Variants in ERO1B observed in about 807,000 individuals in gnomAD.
The protein encoded by ERO1B is ERO1-like protein beta.
A neutral mutation model predicts 75.3 loss-of-function variants in ERO1B; 49 were observed. That is an observed-to-expected ratio of 0.65 (90% CI 0.52 to 0.83). ERO1B has a LOEUF of 0.83. Among genes scored for constraint, ERO1B ranks in the 40% least tolerant of loss-of-function variants. The pLI, the probability that ERO1B is intolerant of heterozygous loss-of-function variation, is 0.00. For synonymous variants in ERO1B, 191 were observed against 192.9 expected, an observed-to-expected ratio of 0.99 and a Z score of 0.08; for missense variants, 512 against 560.1, an observed-to-expected ratio of 0.91 and a Z score of 0.87.
chr1:236,221,909 A>G lies in ERO1B; in HGVS notation c.1209+15T>C. The G allele has an allele frequency of 6.3e-7, 1 of 1,598,824 alleles. No individual in the cohort carries two copies. The highest frequency in any genetic ancestry group is 8.6e-7 in the Non-Finnish European group (1 of 1,166,578). On this transcript the variant is annotated intron_variant, in intron 14 of 15. Coordinates refer to ENST00000354619, the MANE Select transcript of ERO1B (RefSeq NM_019891.4). ...AGGTTAGTAATGGCTTCAAAAGAGA[A>G]GACAACACATATACCTGTAATTTTC...
intron 2 of ERO1B, among the ~76,000 whole-genome samples, chr1:236,254,464 C>G (rs1264431617): frequency 6.6e-6 from 1 of 152,186 alleles, no homozygotes; most frequent in Admixed American, 6.5e-5. Flanking sequence ...CTTCCCATCA[C>G]CCTTAGAGTT....
chr1:236,268,872 T>C (rs948052622), intron 2 of ERO1B, among the ~76,000 whole-genome samples: 14 of 149,882 alleles, frequency 9.3e-5, no homozygotes, highest in Non-Finnish European at 7.4e-5. Context: ...GGCGACGGAG[T>C]GAGACTCTGT....
chr1:236,226,867 A>T (rs2102940770), intron 10 of ERO1B, 128 bp from the exon 11 acceptor site: 1 of 663,926 alleles, frequency 1.5e-6, no homozygotes, highest in Admixed American at 3.2e-5. Context: ...AATAATATAA[A>T]ACTGATTAGA....
At chr1:236,273,201 GCTGGCT>G (rs1456732500) in intron 1 of ERO1B, among the ~76,000 whole-genome samples, 1 of 152,106 alleles carries the variant, frequency 6.6e-6, no homozygotes, top group Admixed American at 6.5e-5. Context: ...ATGCTATACT[GCTGGCT>G]CTGAAGATGA....
chr1:236,275,643 A>G (rs965065922), intron 1 of ERO1B, among the ~76,000 whole-genome samples: 1 of 152,090 alleles, frequency 6.6e-6, no homozygotes, highest in Non-Finnish European at 1.5e-5. Context: ...CAACTTTCTA[A>G]TCACTTGGGT....
At chr1:236,229,482 T>C (rs541276202) in intron 10 of ERO1B, among the ~76,000 whole-genome samples, 28 of 151,910 alleles carry the variant, frequency 1.8e-4, no homozygotes, top group African/African-American at 6.3e-4. Context: ...ATGCATAAAA[T>C]AGAATTAGTT....
At position 236,245,306 on chromosome 1, in the gene ERO1B, A is replaced by ATGTGTGTGTG. The variant is rs1553371926; in HGVS notation, c.432-1812_432-1811insCACACACACA. Among the ~76,000 whole-genome samples, 47 of 21,780 alleles carry ATGTGTGTGTG rather than the reference A, an allele frequency of 2.2e-3. 1 individual carries two copies. Among genetic ancestry groups the ATGTGTGTGTG allele is most frequent in the African/African-American group, 3.6e-3 (44 of 12,130 alleles). The allele number at this position is 21,780 out of a possible 152,430, so 14.3% of individuals were successfully genotyped here. A position where few individuals can be genotyped will look rare whatever the true frequency, so the allele number is the denominator to read the frequency against. On this transcript the variant is annotated intron_variant, in intron 5 of 15. Coordinates refer to ENST00000354619, the MANE Select transcript of ERO1B (RefSeq NM_019891.4). ...CACCATGCCCAGTCAAAATATATAT[A>ATGTGTGTGTG]TATATATATATATATACACACACGT...
In ERO1B at chr1:236,263,778, C is replaced by CTTTTTTTTTTTTTTTTTTTTTT; in HGVS notation, c.222+6075_222+6096dup. 1.1e-4 allele frequency among the ~76,000 whole-genome samples: 9 copies of CTTTTTTTTTTTTTTTTTTTTTT among 80,300 alleles called. 1 individual carries two copies. Among genetic ancestry groups the CTTTTTTTTTTTTTTTTTTTTTT allele is most frequent in the Non-Finnish European group, 2.0e-4 (8 of 39,760 alleles). The allele number at this position is 80,300 out of a possible 152,430, so 52.7% of individuals were successfully genotyped here. On this transcript the variant is annotated intron_variant, in intron 2 of 15. Coordinates refer to ENST00000354619, the MANE Select transcript of ERO1B (RefSeq NM_019891.4). ...TATATTTTTTGTTTTATTTTGTTTGCTTTTTTTTTTTTTTTTTTTTTTTTT... is the reference window on the plus strand; with the variant it reads ...TATATTTTTTGTTTTATTTTGTTTGCTTTTTTTTTTTTTTTTTTTTTTTTTTTTTTTTTTTTTTTTTTTTTTT...
Position 236,243,446 on chromosome 1 carries a change from G to A in ERO1B, c.481C>T (p.Arg161Trp), listed in dbSNP as rs749338547. The A allele has an allele frequency of 1.5e-5, 24 of 1,603,624 alleles. No homozygotes were observed. Among genetic ancestry groups the A allele is most frequent in the East Asian group, 6.8e-5 (3 of 44,396 alleles). The change falls in exon 6 of 16, where the codon CGG becomes TGG. Residue 161 changes from arginine to tryptophan, a missense_variant. Physicochemically the swap from Arg to Trp is moderately radical, Grantham distance 101 (BLOSUM62 -3). Coordinates refer to ENST00000354619, the MANE Select transcript of ERO1B (RefSeq NM_019891.4). Reference sequence around the variant, plus strand: ...CCATCAAGTTCACAAAAGTGATCCCGTGAATCATCATATCTTGCCCAGTCA... The same window carrying A: ...CCATCAAGTTCACAAAAGTGATCCCATGAATCATCATATCTTGCCCAGTCA... ...FIDWARYDDS[R>W]DHFCELDDER...
intron 1 of ERO1B, among the ~76,000 whole-genome samples, chr1:236,279,176 C>T (rs142753045): frequency 0.012 from 1,822 of 152,270 alleles, 12 homozygotes; most frequent in Non-Finnish European, 0.02. Context: ...AGAGATTGTA[C>T]GTGTAACCAT....
chr1:236,266,075 T>C (rs1665427465), intron 2 of ERO1B, among the ~76,000 whole-genome samples: 3 of 152,264 alleles, frequency 2.0e-5, no homozygotes, highest in African/African-American at 4.8e-5. Flanking sequence ...TTTTATTGTT[T>C]ACTTGTTTAT....
intron 13 of ERO1B, among the ~76,000 whole-genome samples, 185 bp from the exon 14 acceptor site, chr1:236,222,195 C>T (rs1664165811): frequency 1.3e-5 from 2 of 152,176 alleles, no homozygotes; most frequent in African/African-American, 2.4e-5. Context: ...GTGCAACCTC[C>T]ACCTCCCAGG....
chr1:236,251,990 C>G, intron 4 of ERO1B, 60 bp downstream of exon 4: 1 of 1,214,698 alleles, frequency 8.2e-7, no homozygotes, highest in Non-Finnish European at 1.2e-6. Context: ...CACTGTCAGT[C>G]AGTAAATGGT....
chr1:236,216,196 C>G lies in ERO1B; in HGVS notation c.*2320G>C, dbSNP rs559702948. Reference sequence around the variant, plus strand: ...TCATTACTTCATCAGTGGGTACAATCATTTCTGTCAGTTATATTATCAAGT... The same window carrying G: ...TCATTACTTCATCAGTGGGTACAATGATTTCTGTCAGTTATATTATCAAGT... On this transcript the variant is annotated 3_prime_UTR_variant, in exon 16 of 16. Transcript: ENST00000354619. 1 of 152,216 alleles carries G rather than the reference C, an allele frequency of 6.6e-6. No individual in the cohort carries two copies. The highest frequency in any genetic ancestry group is 1.9e-4 in the East Asian group (1 of 5,186). The allele number at this position is 152,216 out of a possible 1,614,324, so 9.4% of individuals were successfully genotyped here.
chr1:236,220,420 T>C (rs2102936908), intron 15 of ERO1B: 1 of 152,390 alleles, frequency 6.6e-6, no homozygotes, highest in Non-Finnish European at 1.5e-5. Context: ...ATAAAGAGCA[T>C]AGTGCAGGAA....
chr1:236,281,610 C>T, intron 1 of ERO1B, 72 bp downstream of exon 1: 2 of 1,136,090 alleles, frequency 1.8e-6, no homozygotes, highest in Non-Finnish European at 2.3e-6. Context: ...CCCCGCGTCA[C>T]AGCCGCGGCC....
chr1:236,225,608 C>T (rs1664258678), intron 12 of ERO1B, among the ~76,000 whole-genome samples: 1 of 152,178 alleles, frequency 6.6e-6, no homozygotes, highest in Admixed American at 6.5e-5. Flanking sequence ...CATCCCAATG[C>T]AAACACATGT....
intron 2 of ERO1B, among the ~76,000 whole-genome samples, chr1:236,260,748 T>C (rs1244562262): frequency 2.0e-5 from 3 of 150,604 alleles, no homozygotes; most frequent in Non-Finnish European, 4.4e-5. Flanking sequence ...CAGCAACCAA[T>C]CCTTAAACTT....
chr1:236,229,932 G>T (rs962440747), intron 10 of ERO1B, among the ~76,000 whole-genome samples: 1 of 152,280 alleles, frequency 6.6e-6, no homozygotes, highest in East Asian at 1.9e-4. Context: ...TACTAGAGAA[G>T]TAGTTTGAAT....
Sources: gnomAD v4.1 joint callset for allele counts (sites outside exome capture counted in the v4.1 genomes callset) on GRCh38, gnomAD v4.1.1 for gene constraint, MANE v1.5 for transcripts, NCBI Gene and HGNC (gene_info 2026-07-23, HGNC 2026-07-21) for gene names.